The following SPTLC2 variants were observed in gnomAD, a reference collection of about 807,000 sequenced individuals.
The protein encoded by SPTLC2 is serine palmitoyltransferase 2.
In SPTLC2, 21 loss-of-function variants were observed where a neutral mutation model predicts 62.0. The observed-to-expected ratio is 0.34, with a 90% CI of 0.24 to 0.49. The LOEUF is 0.49. SPTLC2 is among the 20% of genes least tolerant of loss of function. The probability of loss-of-function intolerance (pLI) is 0.99; values close to 1 mark genes in which losing one functional copy is unlikely to be tolerated. For synonymous variants in SPTLC2, 261 were observed against 261.8 expected, an observed-to-expected ratio of 1.00 and a Z score of 0.03; for missense variants, 511 against 713.0, an observed-to-expected ratio of 0.72 and a Z score of 3.23.
At chr14:77,587,089 G>A (rs143416714) in intron 2 of SPTLC2, among the ~76,000 whole-genome samples, 6 of 152,218 alleles carry the variant, frequency 3.9e-5, no homozygotes, top group East Asian at 1.9e-4. Flanking sequence ...TTAGCTGGGC[G>A]TGGTAGCGGG....
intron 2 of SPTLC2, among the ~76,000 whole-genome samples, chr14:77,595,436 G>T (rs958560073): frequency 1.3e-5 from 2 of 152,076 alleles, no homozygotes; most frequent in Non-Finnish European, 2.9e-5. Flanking sequence ...ATTACTTAGG[G>T]TTACTGGACC....
chr14:77,592,787 A>C (rs1350066939), intron 2 of SPTLC2, among the ~76,000 whole-genome samples: 1 of 151,956 alleles, frequency 6.6e-6, no homozygotes, highest in Non-Finnish European at 1.5e-5. Flanking sequence ...CTTTGTATCC[A>C]TATGTTCTCA....
intron 6 of SPTLC2, among the ~76,000 whole-genome samples, chr14:77,560,630 AATATATAT>A (rs67807394): frequency 6.7e-6 from 1 of 148,212 alleles, no homozygotes; most frequent in Non-Finnish European, 1.5e-5. Context: ...TAAAAATAAA[AATATATAT>A]ATATATATGT....
chr14:77,601,060 G>T (rs1006851930), intron 1 of SPTLC2, among the ~76,000 whole-genome samples: 10 of 152,118 alleles, frequency 6.6e-5, no homozygotes, highest in African/African-American at 1.2e-4. Context: ...TAAGGAGTAG[G>T]GTGGGACAAG....
chr14:77,521,716 TAC>T (rs1424741996), intron 9 of SPTLC2, 135 bp from the exon 10 acceptor site: 2 of 795,458 alleles, frequency 2.5e-6, no homozygotes, highest in African/African-American at 1.7e-5. Flanking sequence ...TAAAATATTT[TAC>T]AGAGTAAACC....
chr14:77,576,343 G>T (rs1028006372), intron 4 of SPTLC2, among the ~76,000 whole-genome samples: 1 of 152,130 alleles, frequency 6.6e-6, no homozygotes, highest in African/African-American at 2.4e-5. Context: ...ACTCTACATG[G>T]ATTAGCTTAC....
intron 2 of SPTLC2, among the ~76,000 whole-genome samples, chr14:77,584,821 T>C (rs777736774): frequency 2.2e-4 from 34 of 151,924 alleles, no homozygotes; most frequent in Non-Finnish European, 1.6e-4. Flanking sequence ...ACTTAGGAGA[T>C]GGAAGGCTAA....
At chr14:77,519,374 CCCTT>C (rs1203589080) in intron 10 of SPTLC2, among the ~76,000 whole-genome samples, 1 of 152,072 alleles carries the variant, frequency 6.6e-6, no homozygotes, top group African/African-American at 2.4e-5. Flanking sequence ...TTATTGACCT[CCCTT>C]ATGTTTCAAC....
intron 1 of SPTLC2, among the ~76,000 whole-genome samples, chr14:77,604,208 C>A (rs910866304): frequency 2.6e-5 from 4 of 152,280 alleles, no homozygotes; most frequent in Non-Finnish European, 4.4e-5. Flanking sequence ...AGAAATCCAA[C>A]AACCCTCTTT....
intron 2 of SPTLC2, among the ~76,000 whole-genome samples, chr14:77,589,812 CACACAA>C (rs1221346000): frequency 6.6e-6 from 1 of 151,398 alleles, no homozygotes; most frequent in Non-Finnish European, 1.5e-5. Context: ...CACACACACA[CACACAA>C]ATACAAAAAA....
At chr14:77,568,911 G>T (rs945989106) in intron 5 of SPTLC2, among the ~76,000 whole-genome samples, 2 of 151,794 alleles carry the variant, frequency 1.3e-5, no homozygotes, top group African/African-American at 4.8e-5. Context: ...GTACTTTGAC[G>T]CTCTGTTAAT....
At chr14:77,614,329 T>C (rs773461355) in intron 1 of SPTLC2, among the ~76,000 whole-genome samples, 2 of 152,214 alleles carry the variant, frequency 1.3e-5, no homozygotes, top group African/African-American at 2.4e-5. Flanking sequence ...AAAGCAACGC[T>C]GAAGTGTGAA....
chr14:77,610,384 C>T (rs535756867), intron 1 of SPTLC2, among the ~76,000 whole-genome samples: 166 of 152,270 alleles, frequency 1.1e-3, no homozygotes, highest in Non-Finnish European at 1.9e-3. Flanking sequence ...TCAAGTGATC[C>T]GCCCATCTCG....
At chr14:77,594,488 T>C (rs894437210) in intron 2 of SPTLC2, among the ~76,000 whole-genome samples, 1 of 152,338 alleles carries the variant, frequency 6.6e-6, no homozygotes, top group African/African-American at 2.4e-5. Flanking sequence ...CTTGGGGTCA[T>C]GGTGGCTCAC....
Position 77,559,898 on chromosome 14 carries a change from T to A in SPTLC2, c.850+2498A>T, listed in dbSNP as rs139220678. Among the ~76,000 whole-genome samples the A allele has an allele frequency of 6.1e-3, 918 of 151,500 alleles. 9 individuals carry two copies. The highest frequency in any genetic ancestry group is 0.027 in the Middle Eastern group (8 of 294). ...GCAGCAAGACCCTGTCTCAAAAAAA[T>A]AATAATAAAATAATGCAACATAAAG... On this transcript the variant is annotated intron_variant, in intron 6 of 11. Transcript: ENST00000216484.
chr14:77,540,054 G>C (rs1488757727), intron 9 of SPTLC2, among the ~76,000 whole-genome samples: 2 of 151,986 alleles, frequency 1.3e-5, no homozygotes, highest in African/African-American at 4.8e-5. Flanking sequence ...AAATGAGCCA[G>C]GTGTGGTGAC....
At chr14:77,589,734 A>G (rs2079804627) in intron 2 of SPTLC2, among the ~76,000 whole-genome samples, 1 of 151,882 alleles carries the variant, frequency 6.6e-6, no homozygotes, top group African/African-American at 2.4e-5. Context: ...AGGTTGCAGT[A>G]AGCCAAGATT....
At chr14:77,552,546 C>T (rs2079561024) in intron 8 of SPTLC2, among the ~76,000 whole-genome samples, 1 of 152,076 alleles carries the variant, frequency 6.6e-6, no homozygotes, top group Admixed American at 6.5e-5. Flanking sequence ...TGGCTCATGC[C>T]TGTAATCCCA....
At chr14:77,588,909 T>A (rs2079798125) in intron 2 of SPTLC2, among the ~76,000 whole-genome samples, 1 of 139,346 alleles carries the variant, frequency 7.2e-6, no homozygotes, top group South Asian at 2.2e-4. Context: ...GGTGGGAGGA[T>A]CACCTGAGCA....
Sources: allele counts gnomAD v4.1 joint callset (sites outside exome capture counted in the v4.1 genomes callset), GRCh38; gene constraint gnomAD v4.1.1; transcripts MANE v1.5; gene names NCBI Gene and HGNC (gene_info 2026-07-23, HGNC 2026-07-21).